The following PRKG1 variants were observed in gnomAD, a reference collection of about 807,000 sequenced individuals.
The protein encoded by PRKG1 is cGMP-dependent protein kinase 1.
Under a neutral mutation model 88.1 loss-of-function variants are expected in PRKG1, and 35 were observed. That is an observed-to-expected ratio of 0.40 (90% CI 0.30 to 0.53). The LOEUF (loss-of-function observed/expected upper bound fraction) is 0.53. PRKG1 is among the 20% of genes least tolerant of loss of function. The pLI is 0.59. For missense variants in PRKG1, 540 were observed against 839.8 expected (o/e 0.64, Z 4.41); for synonymous variants, 303 against 292.5 (o/e 1.04, Z -0.37).
intron 9 of PRKG1, among the ~76,000 whole-genome samples, chr10:52,169,193 GCACA>G (rs1838588306): frequency 6.6e-6 from 1 of 152,186 alleles, no homozygotes; most frequent in African/African-American, 2.4e-5. Context: ...AACACCACAT[GCACA>G]GAAACCAAGA....
intron 9 of PRKG1, among the ~76,000 whole-genome samples, chr10:52,249,800 A>G (rs938772914): frequency 1.3e-5 from 2 of 152,076 alleles, no homozygotes; most frequent in Non-Finnish European, 2.9e-5. Context: ...CTCTAGCCTC[A>G]GCCTGGGTGA....
chr10:52,227,673 G>A (rs1182571175), intron 9 of PRKG1, among the ~76,000 whole-genome samples: 1 of 152,060 alleles, frequency 6.6e-6, no homozygotes, highest in East Asian at 1.9e-4. Flanking sequence ...ATTCAGAAAT[G>A]AGAACCCACT....
intron 10 of PRKG1, among the ~76,000 whole-genome samples, chr10:52,254,597 A>T (rs545715893): frequency 6.6e-6 from 1 of 152,132 alleles, no homozygotes; most frequent in African/African-American, 2.4e-5. Flanking sequence ...GTTAGAGTGA[A>T]GTTAAGAATG....
At chr10:51,511,428 T>C (rs1442871714) in intron 3 of PRKG1, among the ~76,000 whole-genome samples, 1 of 152,126 alleles carries the variant, frequency 6.6e-6, no homozygotes, top group Non-Finnish European at 1.5e-5. Context: ...GAGGAGCTAT[T>C]TGAGTGACTT....
chr10:51,067,749 G>A (rs889694548), intron 1 of PRKG1, among the ~76,000 whole-genome samples: 9 of 151,988 alleles, frequency 5.9e-5, no homozygotes, highest in Admixed American at 4.6e-4. Context: ...TCAAAAAAGT[G>A]TGAAATTTCC....
chr10:51,309,978 A>G (rs1047450011), intron 2 of PRKG1, among the ~76,000 whole-genome samples: 7 of 152,196 alleles, frequency 4.6e-5, no homozygotes, highest in African/African-American at 1.7e-4. Context: ...TCATTGTCTT[A>G]AGTGAAACAA....
Position 52,161,871 on chromosome 10 carries a change from G to T in PRKG1, c.1002-18G>T. ...TATTTTGTAGAAGATTAATCACTGT[G>T]CTTTTTTCGTCTGACAGCTCTTTTA... On this transcript the variant is annotated intron_variant, in intron 8 of 17. Transcript: ENST00000373980. The T allele has an allele frequency of 6.2e-7, 1 of 1,610,010 alleles. No homozygotes were observed.
chr10:51,200,676 A>T (rs944435963), intron 2 of PRKG1, among the ~76,000 whole-genome samples: 22 of 152,206 alleles, frequency 1.4e-4, no homozygotes, highest in African/African-American at 4.8e-4. Flanking sequence ...TATAAATTAC[A>T]TGCTTGGAGT....
chr10:52,208,476 C>A (rs181487831), intron 9 of PRKG1, among the ~76,000 whole-genome samples: 1 of 152,304 alleles, frequency 6.6e-6, no homozygotes, highest in Admixed American at 6.5e-5. Flanking sequence ...AAATGCTTTA[C>A]CGTAAAATCC....
At chr10:51,937,682 C>CT (rs1842824427) in intron 5 of PRKG1, among the ~76,000 whole-genome samples, 1 of 151,938 alleles carries the variant, frequency 6.6e-6, no homozygotes, top group African/African-American at 2.4e-5. Context: ...AAATGAGAGA[C>CT]TTCTGGTCAG....
chr10:51,323,738 G>A (rs1163735789), intron 2 of PRKG1, among the ~76,000 whole-genome samples: 3 of 152,178 alleles, frequency 2.0e-5, no homozygotes, highest in South Asian at 4.1e-4. Flanking sequence ...GGAAGCCAAG[G>A]CAGGAGGGTC....
intron 2 of PRKG1, chr10:51,302,521 A>G (rs941738033): frequency 3.2e-4 from 48 of 151,010 alleles, no homozygotes; most frequent in African/African-American, 1.2e-3. Flanking sequence ...TTTCAGGCCA[A>G]TATTTTTAAA....
chr10:52,028,567 T>A (rs900904001), intron 5 of PRKG1, among the ~76,000 whole-genome samples: 2 of 152,236 alleles, frequency 1.3e-5, no homozygotes, highest in Admixed American at 1.3e-4. Flanking sequence ...TTGTTCTGTA[T>A]AACATGTGCC....
intron 14 of PRKG1, among the ~76,000 whole-genome samples, chr10:52,285,073 G>A (rs1391965479): frequency 2.0e-5 from 3 of 152,028 alleles, no homozygotes. Flanking sequence ...CTAAGGATAA[G>A]TAATGGTCAG....
intron 5 of PRKG1, among the ~76,000 whole-genome samples, chr10:52,032,485 T>C (rs1233553219): frequency 1.3e-5 from 2 of 152,190 alleles, no homozygotes; most frequent in Non-Finnish European, 2.9e-5. Flanking sequence ...TTGTGATAAA[T>C]GTTAAATTGT....
At chr10:51,255,695 G>A (rs75987710) in intron 2 of PRKG1, among the ~76,000 whole-genome samples, 3,396 of 152,186 alleles carry the variant, frequency 0.022, 122 homozygotes, top group African/African-American at 0.077. Flanking sequence ...CTTCCCAGGT[G>A]CTTCCCAGCT....
intron 9 of PRKG1, among the ~76,000 whole-genome samples, chr10:52,188,574 A>G (rs562863980): frequency 2.2e-4 from 33 of 152,006 alleles, no homozygotes; most frequent in African/African-American, 7.7e-4. Flanking sequence ...GGAAACCATA[A>G]TGAATGAATA....
At chr10:52,074,836 G>A (rs1223936633) in intron 7 of PRKG1, among the ~76,000 whole-genome samples, 2 of 152,124 alleles carry the variant, frequency 1.3e-5, no homozygotes, top group Admixed American at 6.5e-5. Context: ...AAATTTGAGT[G>A]TAACATTACT....
intron 1 of PRKG1, among the ~76,000 whole-genome samples, chr10:51,099,283 T>A (rs2131878302): frequency 6.6e-6 from 1 of 152,198 alleles, no homozygotes; most frequent in Admixed American, 6.6e-5. Flanking sequence ...GAAGAAGTTA[T>A]TTTTACACTT....
Sources: allele counts gnomAD v4.1 joint callset (sites outside exome capture counted in the v4.1 genomes callset), GRCh38; gene constraint gnomAD v4.1.1; transcripts MANE v1.5; gene names NCBI Gene and HGNC (gene_info 2026-07-23, HGNC 2026-07-21).